TRIM37: variants seen among roughly 807,000 people sequenced by gnomAD.
The protein encoded by TRIM37 is tripartite motif containing 37.
A neutral mutation model predicts 129.8 loss-of-function variants in TRIM37; 80 were observed. The ratio of observed to expected loss-of-function variants is 0.62; its 90% confidence interval spans 0.51 to 0.74. The LOEUF (loss-of-function observed/expected upper bound fraction) is 0.74, where lower values mean the gene tolerates loss of function less well. Ranked by LOEUF, TRIM37 falls within the 30% of genes least tolerant of loss-of-function variation. TRIM37 has a pLI of 0.00. For missense variants in TRIM37, 1,054 were observed against 1,176.5 expected (o/e 0.90, Z 1.52); for synonymous variants, 389 against 387.1 (o/e 1.00, Z -0.06).
At chr17:59,077,105 A>AT (rs2042875468) in intron 7 of TRIM37, among the ~76,000 whole-genome samples, 1 of 151,502 alleles carries the variant, frequency 6.6e-6, no homozygotes, top group South Asian at 2.1e-4. Context: ...ATTTTTATTT[A>AT]TTTTTTTGAG....
intron 19 of TRIM37, 149 bp downstream of exon 19, chr17:59,028,266 T>C: frequency 1.4e-6 from 1 of 705,894 alleles, no homozygotes; most frequent in South Asian, 1.9e-5. Context: ...ATATACGGAA[T>C]CAATTTTGGA....
intron 17 of TRIM37, among the ~76,000 whole-genome samples, chr17:59,032,531 CAAAAAAAAA>C (rs35442859): frequency 7.1e-5 from 6 of 84,788 alleles, no homozygotes; most frequent in Middle Eastern, 6.6e-3. Flanking sequence ...GACTCCGTCT[CAAAAAAAAA>C]AAAAAAAAAA....
chr17:59,076,153 A>C (rs2042793053), intron 7 of TRIM37, among the ~76,000 whole-genome samples: 1 of 152,208 alleles, frequency 6.6e-6, no homozygotes, highest in African/African-American at 2.4e-5. Context: ...ATGTCAGCAA[A>C]AGGTCTGTCC....
At chr17:59,008,636 A>C (rs1202234690) in intron 22 of TRIM37, among the ~76,000 whole-genome samples, 1 of 152,188 alleles carries the variant, frequency 6.6e-6, no homozygotes, top group Admixed American at 6.6e-5. Flanking sequence ...GTGGTGGCTC[A>C]TGTCTGTAAC....
At chr17:59,066,798 C>A (rs755619094) in intron 9 of TRIM37, among the ~76,000 whole-genome samples, 3 of 152,186 alleles carry the variant, frequency 2.0e-5, no homozygotes, top group Non-Finnish European at 4.4e-5. Flanking sequence ...CCAGTTACCA[C>A]ATTAATTTTA....
intron 2 of TRIM37, among the ~76,000 whole-genome samples, chr17:59,100,432 G>A (rs891057346): frequency 1.3e-4 from 20 of 152,190 alleles, no homozygotes; most frequent in Admixed American, 3.3e-4. Context: ...GAATACTACT[G>A]ATACATACAG....
chr17:58,980,965 G>T (rs1325269508), downstream of TRIM37: 4 of 1,614,168 alleles, frequency 2.5e-6, no homozygotes, highest in Admixed American at 6.7e-5. This position sits in a 1 kb window ranked among gnomAD's most constrained non-coding sequence, Gnocchi z 4.7. Context: ...GTGAAAACAT[G>T]AGGAAGCTCA....
At chr17:58,986,654 A>T (rs1031697157) in intron 24 of TRIM37, among the ~76,000 whole-genome samples, 3 of 151,806 alleles carry the variant, frequency 2.0e-5, no homozygotes, top group African/African-American at 7.3e-5. Flanking sequence ...CTGGGATTAC[A>T]GGCGTCGGCC....
At chr17:59,091,233 G>C in intron 3 of TRIM37, 67 bp downstream of exon 3, 2 of 1,250,822 alleles carry the variant, frequency 1.6e-6, no homozygotes, top group Non-Finnish European at 2.3e-6. Context: ...CTGCCTTTAT[G>C]AATCCCAAGG....
Position 59,007,231 on chromosome 17 carries a change from C to CACACACACACACACACACA in TRIM37, c.2695+5096_2695+5097insTGTGTGTGTGTGTGTGTGT, listed in dbSNP as rs2034642263. On this transcript the variant is annotated intron_variant, in intron 22 of 23. Transcript: ENST00000262294. ...CTAAAACCACCCCACCCCCACCCAC[C>CACACACACACACACACACA]CACACACACACACACGTTCCTGATG... Among the ~76,000 whole-genome samples the CACACACACACACACACACA allele has an allele frequency of 4.1e-5, 4 of 97,500 alleles. 1 individual carries two copies. Among genetic ancestry groups the CACACACACACACACACACA allele is most frequent in the African/African-American group, 1.7e-4 (4 of 24,226 alleles). The allele number at this position is 97,500 out of a possible 152,430, so 64.0% of individuals were successfully genotyped here. A position where few individuals can be genotyped will look rare whatever the true frequency, so the allele number is the denominator to read the frequency against.
chr17:59,073,198 C>T (rs2042531930), intron 8 of TRIM37: 1 of 152,206 alleles, frequency 6.6e-6, no homozygotes, highest in Non-Finnish European at 1.5e-5. Context: ...TATGTGTGTA[C>T]ATACATCCAT....
intron 2 of TRIM37, among the ~76,000 whole-genome samples, chr17:59,097,612 T>C (rs1202430775): frequency 6.6e-6 from 1 of 151,780 alleles, no homozygotes; most frequent in Non-Finnish European, 1.5e-5. Context: ...GGCTCACACC[T>C]ATAATCCCAG....
intron 24 of TRIM37, among the ~76,000 whole-genome samples, chr17:58,987,435 G>A (rs1278590625): frequency 2.0e-5 from 3 of 152,190 alleles, no homozygotes; most frequent in Non-Finnish European, 2.9e-5. Flanking sequence ...ACTCTGGCCC[G>A]CAGGGTCTGC....
At chr17:59,017,193 G>A (rs2036051666) in intron 20 of TRIM37, 103 bp downstream of exon 20, 1 of 1,433,334 alleles carries the variant, frequency 7.0e-7, no homozygotes, top group Admixed American at 1.7e-5. Flanking sequence ...TCCAACTTTA[G>A]CATTTTTGGT....
intron 22 of TRIM37, among the ~76,000 whole-genome samples, chr17:59,005,334 C>T (rs1282594588): frequency 2.6e-5 from 4 of 151,994 alleles, no homozygotes; most frequent in Non-Finnish European, 5.9e-5. Flanking sequence ...CCCAGGTTGG[C>T]GTGCCACTGC....
At chr17:59,027,423 T>G (rs2037363797) in intron 19 of TRIM37, among the ~76,000 whole-genome samples, 1 of 152,204 alleles carries the variant, frequency 6.6e-6, no homozygotes, top group Admixed American at 6.5e-5. Flanking sequence ...GCCCTGCTGA[T>G]CTAAGACTGG....
At chr17:59,004,390 C>T (rs2034197616) in intron 22 of TRIM37, among the ~76,000 whole-genome samples, 2 of 151,746 alleles carry the variant, frequency 1.3e-5, no homozygotes, top group South Asian at 4.1e-4. Context: ...ATCTAAACTA[C>T]TACTTTAAGA....
chr17:59,017,878 G>A (rs867208531), intron 19 of TRIM37, among the ~76,000 whole-genome samples: 36 of 152,138 alleles, frequency 2.4e-4, no homozygotes, highest in African/African-American at 6.7e-4. Flanking sequence ...CACCTGCCGC[G>A]GCCTCCCAAA....
intron 23 of TRIM37, 37 bp from the exon 24 acceptor site, chr17:58,999,496 A>C: frequency 3.3e-6 from 5 of 1,534,800 alleles, no homozygotes; most frequent in Non-Finnish European, 4.4e-6. Context: ...TTAAAATTTA[A>C]AAGCATATAA....
Sources: allele counts gnomAD v4.1 joint callset (sites outside exome capture counted in the v4.1 genomes callset), GRCh38; gene constraint gnomAD v4.1.1; non-coding constraint Gnocchi (gnomAD v3.1); transcripts MANE v1.5; gene names NCBI Gene and HGNC (gene_info 2026-07-23, HGNC 2026-07-21).